The following RBFOX1 variants were observed in gnomAD, a reference collection of about 807,000 sequenced individuals.
RBFOX1 encodes RNA binding protein fox-1 homolog 1.
RBFOX1 carries 8 observed loss-of-function variants against 57.7 expected under a neutral mutation model. The observed-to-expected ratio is 0.14, with a 90% CI of 0.08 to 0.25. The LOEUF is 0.25. Ranked by LOEUF, RBFOX1 falls within the 10% of genes least tolerant of loss-of-function variation. RBFOX1 has a pLI of 1.00. For synonymous variants in RBFOX1, 326 were observed against 222.4 expected (o/e 1.47, Z -4.15); for missense variants, 611 against 548.5 (o/e 1.11, Z -1.14).
chr16:6,582,111 A>G (rs9939040), intron 2 of RBFOX1, among the ~76,000 whole-genome samples: 1,718 of 152,300 alleles, frequency 0.011, 35 homozygotes, highest in African/African-American at 0.039. Context: ...TGGCAATAGC[A>G]TTGAGGCTGA....
chr16:7,565,887 T>C (rs1170864933), intron 5 of RBFOX1, among the ~76,000 whole-genome samples: 3 of 152,120 alleles, frequency 2.0e-5, no homozygotes, highest in African/African-American at 4.8e-5. Context: ...GCAGCATTCA[T>C]GTCGTGTCTT....
In RBFOX1 at chr16:6,459,386, A is replaced by G. The variant is rs542963460; in HGVS notation, c.-64+142329A>G. Among the ~76,000 whole-genome samples the G allele has an allele frequency of 1.9e-4, 29 of 152,318 alleles. 1 individual carries two copies. The South Asian group carries it at 6.0e-3, about 32-fold the overall frequency. On this transcript the variant is annotated intron_variant, in intron 2 of 15. Coordinates refer to ENST00000550418, the MANE Select transcript of RBFOX1 (RefSeq NM_018723.4). Reference sequence around the variant, plus strand: ...CGGCTTACCATGCCATCCTTTCAAAAGAGTTTTAATTTTATTTCTCCTCTC... The same window carrying G: ...CGGCTTACCATGCCATCCTTTCAAAGGAGTTTTAATTTTATTTCTCCTCTC...
rs138372394 is a variant in RBFOX1, at chr16:6,856,557, G to A, written c.-15-195500G>A. Among the ~76,000 whole-genome samples the A allele has an allele frequency of 5.4e-3, 818 of 152,236 alleles. 9 individuals carry two copies. Among genetic ancestry groups the A allele is most frequent in the African/African-American group, 0.018 (767 of 41,560 alleles). On this transcript the variant is annotated intron_variant, in intron 3 of 15. Transcript: ENST00000550418. Reference sequence around the variant, plus strand: ...CTCCCTCATGAATGTTCATCAAAGAGTGTTTCCCATCAGGTGATATTCTGT... The same window carrying A: ...CTCCCTCATGAATGTTCATCAAAGAATGTTTCCCATCAGGTGATATTCTGT...
chr16:7,694,465 A>G (rs770645448), intron 14 of RBFOX1, among the ~76,000 whole-genome samples: 4 of 152,216 alleles, frequency 2.6e-5, no homozygotes, highest in African/African-American at 4.8e-5. Flanking sequence ...AGTTTTATTT[A>G]TATGGTCAGC....
intron 3 of RBFOX1, among the ~76,000 whole-genome samples, chr16:7,048,922 T>C (rs1392185173): frequency 6.6e-6 from 1 of 152,190 alleles, no homozygotes; most frequent in Non-Finnish European, 1.5e-5. Flanking sequence ...TTGCTTTTCT[T>C]CTGTGGATTT....
chr16:7,486,448 C>A (rs1384753943), intron 4 of RBFOX1, among the ~76,000 whole-genome samples: 1 of 152,102 alleles, frequency 6.6e-6, no homozygotes, highest in African/African-American at 2.4e-5. Flanking sequence ...TGTGTCTTTT[C>A]TACGTGGACA....
At chr16:5,904,145 G>C (rs2058381258) in intron 4 of RBFOX1, among the ~76,000 whole-genome samples, 1 of 152,108 alleles carries the variant, frequency 6.6e-6, no homozygotes, top group Non-Finnish European at 1.5e-5. Flanking sequence ...GGATCATTCG[G>C]AGATCGGCAA....
intron 1 of RBFOX1, among the ~76,000 whole-genome samples, chr16:6,195,213 A>G (rs952067470): frequency 6.6e-6 from 1 of 152,102 alleles, no homozygotes; most frequent in African/African-American, 2.4e-5. Context: ...TTTTATCCCC[A>G]TTATAGGTTT....
intron 4 of RBFOX1, among the ~76,000 whole-genome samples, chr16:7,224,883 C>T (rs2092993981): frequency 1.3e-5 from 2 of 152,108 alleles, no homozygotes; most frequent in African/African-American, 4.8e-5. Flanking sequence ...ACCACGACTT[C>T]CAGGTGATTT....
chr16:6,463,655 G>C (rs1377021051), intron 2 of RBFOX1, among the ~76,000 whole-genome samples: 1 of 152,170 alleles, frequency 6.6e-6, no homozygotes, highest in Non-Finnish European at 1.5e-5. Context: ...CCAATGTCGT[G>C]AGCACCGGTC....
intron 3 of RBFOX1, among the ~76,000 whole-genome samples, chr16:6,807,377 T>G (rs772959289): frequency 1.1e-4 from 16 of 152,116 alleles, no homozygotes; most frequent in Non-Finnish European, 1.9e-4. Context: ...TGAGTCCAAG[T>G]TGATTTCTGC....
chr16:6,465,884 T>TTGTGGTGTG (rs2095037581), intron 2 of RBFOX1, among the ~76,000 whole-genome samples: 1 of 146,228 alleles, frequency 6.8e-6, no homozygotes, highest in African/African-American at 2.5e-5. Flanking sequence ...ATTTGTGTGT[T>TTGTGGTGTG]TGTGTGTGTG....
Position 7,560,269 on chromosome 16 carries a change from C to T in RBFOX1, c.271-19508C>T, listed in dbSNP as rs11642161. ...TATGGGGGGTGGACTTCTTGGCTTACCCACCCTCCCTACATCTCTGATCCT... is the reference window on the plus strand; with the variant it reads ...TATGGGGGGTGGACTTCTTGGCTTATCCACCCTCCCTACATCTCTGATCCT... On this transcript the variant is annotated intron_variant, in intron 5 of 15. Coordinates refer to ENST00000550418, the MANE Select transcript of RBFOX1 (RefSeq NM_018723.4). Among the ~76,000 whole-genome samples the T allele has an allele frequency of 4.7e-3, 717 of 152,330 alleles. 2 individuals carry two copies. The highest frequency in any genetic ancestry group is 8.4e-3 in the Admixed American group (128 of 15,292).
chr16:7,504,230 G>T (rs987222227), intron 4 of RBFOX1, among the ~76,000 whole-genome samples: 1 of 151,952 alleles, frequency 6.6e-6, no homozygotes, highest in African/African-American at 2.4e-5. Context: ...CGTATCATCG[G>T]GCTGTGGGTT....
chr16:6,531,584 A>G (rs2096658716), intron 2 of RBFOX1, among the ~76,000 whole-genome samples: 1 of 152,138 alleles, frequency 6.6e-6, no homozygotes, highest in Non-Finnish European at 1.5e-5. Context: ...ACAGCTACCT[A>G]GGGTTTCAAT....
At chr16:6,560,436 T>A (rs2097165767) in intron 2 of RBFOX1, among the ~76,000 whole-genome samples, 1 of 152,032 alleles carries the variant, frequency 6.6e-6, no homozygotes, top group Admixed American at 6.6e-5. Flanking sequence ...GCCAGCTGCA[T>A]GGATTTGGAA....
chr16:7,342,174 G>C (rs570822419), intron 4 of RBFOX1, among the ~76,000 whole-genome samples: 2 of 152,152 alleles, frequency 1.3e-5, no homozygotes, highest in Non-Finnish European at 2.9e-5. Context: ...GTTACTCTTG[G>C]TAAGTTGCTT....
At chr16:7,429,489 C>G (rs1443318222) in intron 4 of RBFOX1, among the ~76,000 whole-genome samples, 1 of 152,224 alleles carries the variant, frequency 6.6e-6, no homozygotes, top group Non-Finnish European at 1.5e-5. Context: ...ACATTCATAG[C>G]TGTCTGCAAT....
chr16:6,765,945 A>C (rs894806482), intron 3 of RBFOX1, among the ~76,000 whole-genome samples: 2 of 152,152 alleles, frequency 1.3e-5, no homozygotes, highest in South Asian at 2.1e-4. Context: ...ATGCAAAGGT[A>C]TACAGTATGA....
Sources: gnomAD v4.1 joint callset for allele counts (sites outside exome capture counted in the v4.1 genomes callset) on GRCh38, gnomAD v4.1.1 for gene constraint, MANE v1.5 for transcripts, NCBI Gene and HGNC (gene_info 2026-07-23, HGNC 2026-07-21) for gene names.